TLK1: variants seen among roughly 807,000 people sequenced by gnomAD.
TLK1 encodes serine/threonine-protein kinase tousled-like 1.
TLK1 carries 24 observed loss-of-function variants against 105.3 expected under a neutral mutation model. The ratio of observed to expected loss-of-function variants is 0.23; its 90% CI spans 0.17 to 0.32. The LOEUF (loss-of-function observed/expected upper bound fraction) is 0.32, where lower values mean the gene tolerates loss of function less well. Ranked by LOEUF, TLK1 falls within the 10% of genes least tolerant of loss-of-function variation. The pLI, the probability that TLK1 is intolerant of heterozygous loss-of-function variation, is 1.00. For synonymous variants in TLK1, 321 were observed against 310.4 expected (o/e 1.03, Z -0.36); for missense variants, 558 against 910.5 (o/e 0.61, Z 4.98).
chr2:171,223,804 T>A (rs1326586909), intron 1 of TLK1, among the ~76,000 whole-genome samples: 2 of 151,964 alleles, frequency 1.3e-5, no homozygotes. Context: ...ATCAATTTTT[T>A]TTTTTTTTTT....
At position 171,206,622 on chromosome 2, in the gene TLK1, A is replaced by C. The variant is rs1575658963; in HGVS notation, c.-6+24523T>G. Among the ~76,000 whole-genome samples the C allele has an allele frequency of 2.6e-5, 4 of 152,342 alleles. No homozygotes were observed. The East Asian group carries it at 7.7e-4, about 29-fold the overall frequency. On this transcript the variant is annotated intron_variant, in intron 1 of 20. Coordinates refer to the TLK1 transcript ENST00000521943. ...ATACTGGTTTATGTAATGCTGACCA[A>C]GCAAATAAAAAGAATGCATTATTTT...
At chr2:171,095,252 G>GC (rs1298196965) in intron 2 of TLK1, among the ~76,000 whole-genome samples, 2 of 151,636 alleles carry the variant, frequency 1.3e-5, no homozygotes, top group Non-Finnish European at 2.9e-5. Context: ...ACCAAAGCAA[G>GC]CAGGGGGGAA....
At position 171,039,328 on chromosome 2, in the gene TLK1, C is replaced by T. The variant is rs535265192; in HGVS notation, c.1169+6846G>A. 5.3e-5 allele frequency among the ~76,000 whole-genome samples: 8 copies of T among 152,296 alleles called. No homozygotes were observed. In the South Asian group the frequency reaches 6.2e-4, roughly 12 times the overall value. ...TCACCCAGGCTGGAGTGCAATGGCACGCACATGGCTCACTGCAGCCTTGGC... is the reference window on the plus strand; with the variant it reads ...TCACCCAGGCTGGAGTGCAATGGCATGCACATGGCTCACTGCAGCCTTGGC... On this transcript the variant is annotated intron_variant, in intron 11 of 20. Coordinates refer to ENST00000431350, the MANE Select transcript of TLK1 (RefSeq NM_012290.5).
At chr2:171,104,257 C>CA (rs1413288473) in intron 2 of TLK1, among the ~76,000 whole-genome samples, 2 of 142,578 alleles carry the variant, frequency 1.4e-5, no homozygotes, top group Non-Finnish European at 3.0e-5. Flanking sequence ...GCCTGGGCAA[C>CA]AGAGTTGAGA....
intron 1 of TLK1, among the ~76,000 whole-genome samples, chr2:171,195,314 T>C (rs999016357): frequency 1.4e-4 from 21 of 151,816 alleles, no homozygotes; most frequent in African/African-American, 4.6e-4. Flanking sequence ...CCATCCTGGC[T>C]AACACGGTGA....
intron 1 of TLK1, among the ~76,000 whole-genome samples, chr2:171,177,039 G>A (rs1259641155): frequency 6.6e-6 from 1 of 151,580 alleles, no homozygotes; most frequent in East Asian, 1.9e-4. Context: ...TGCCATGTTG[G>A]CCAGGCTGGT....
intron 2 of TLK1, among the ~76,000 whole-genome samples, chr2:171,084,728 C>T (rs1688895931): frequency 6.6e-6 from 1 of 151,988 alleles, no homozygotes; most frequent in Admixed American, 6.6e-5. Context: ...AAAATTGTAA[C>T]CTACTATTTT....
intron 3 of TLK1, among the ~76,000 whole-genome samples, chr2:171,066,337 T>C (rs927467020): frequency 2.0e-5 from 3 of 152,182 alleles, no homozygotes; most frequent in Non-Finnish European, 2.9e-5. Context: ...TAGTATATTT[T>C]CTGCTGTACT....
chr2:171,231,181 C>T (rs189563865), exon 1 of TLK1: 2 of 152,216 alleles, frequency 1.3e-5, no homozygotes, highest in East Asian at 1.9e-4. Flanking sequence ...AAGATGTCAC[C>T]GGGATTGGTT....
At chr2:171,006,370 T>G (rs1275814034) in intron 17 of TLK1, 88 bp from the exon 18 acceptor site, 1 of 1,474,616 alleles carries the variant, frequency 6.8e-7, no homozygotes, top group African/African-American at 1.4e-5. Context: ...ATTTTACTGA[T>G]GTCTTACAAG....
At chr2:171,004,164 C>T (rs1336080865) in intron 18 of TLK1, among the ~76,000 whole-genome samples, 5 of 151,968 alleles carry the variant, frequency 3.3e-5, no homozygotes, top group Admixed American at 6.6e-5. Context: ...GGTTTCACCA[C>T]GTTGGCCAGG....
intron 2 of TLK1, among the ~76,000 whole-genome samples, chr2:171,084,115 CATAG>C (rs1417324332): frequency 2.6e-5 from 4 of 152,038 alleles, no homozygotes; most frequent in Non-Finnish European, 5.9e-5. Flanking sequence ...CAACAACAAC[CATAG>C]ATAATGTATG....
At position 171,071,431 on chromosome 2, in the gene TLK1, G is replaced by A. The variant is rs1404856747; in HGVS notation, c.331-10275C>T. On this transcript the variant is annotated intron_variant, in intron 3 of 20. Transcript: ENST00000431350. Reference sequence around the variant, plus strand: ...GCCTCCCGAGTAGCTGGGACTACAGGCACCTGCCACCATGTCCAGCTAATT... The same window carrying A: ...GCCTCCCGAGTAGCTGGGACTACAGACACCTGCCACCATGTCCAGCTAATT... Among the ~76,000 whole-genome samples the A allele has an allele frequency of 2.6e-5, 4 of 152,084 alleles. No individual in the cohort carries two copies. In the East Asian group the frequency reaches 7.7e-4, roughly 29 times the overall value.
intron 5 of TLK1, among the ~76,000 whole-genome samples, chr2:171,057,028 T>A (rs762752976): frequency 2.6e-5 from 4 of 152,034 alleles, no homozygotes; most frequent in Non-Finnish European, 5.9e-5. Flanking sequence ...CAAGTGTTCA[T>A]GGCACTATAT....
Position 171,058,184 on chromosome 2 carries a change from C to T in TLK1, c.420G>A (p.Gly140=). 6.2e-7 allele frequency: 1 copy of T among 1,613,458 alleles called. No homozygotes were observed. Among genetic ancestry groups the T allele is most frequent in the Non-Finnish European group, 8.5e-7 (1 of 1,179,554 alleles). The change falls in exon 5 of 21, where the codon GGG becomes GGA. Residue 140 remains glycine (G), a synonymous_variant. Coordinates refer to ENST00000431350, the MANE Select transcript of TLK1 (RefSeq NM_012290.5). ...QNESSQGKSI[G]GRGHKISDYF... The stretch of plus-strand genomic sequence containing the variant: ...AGTCGCTAATTTTGTGGCCACGTCC[C>T]CCAATACTTTTTCCTAAAATATAAG...
chr2:171,101,042 G>C (rs763728430), intron 2 of TLK1, among the ~76,000 whole-genome samples: 6 of 152,138 alleles, frequency 3.9e-5, no homozygotes, highest in Non-Finnish European at 8.8e-5. Context: ...AAAACATTAT[G>C]CTAGGTTTTA....
chr2:171,039,421 C>T (rs536048951), intron 11 of TLK1, among the ~76,000 whole-genome samples: 4 of 152,170 alleles, frequency 2.6e-5, no homozygotes, highest in Admixed American at 6.5e-5. Flanking sequence ...CCATGCCTGG[C>T]TAATTTTTGC....
intron 11 of TLK1, among the ~76,000 whole-genome samples, chr2:171,041,354 G>A (rs897773640): frequency 1.3e-5 from 2 of 152,120 alleles, no homozygotes; most frequent in East Asian, 3.9e-4. Context: ...AAATAATCTG[G>A]GAGAGTTAAA....
intron 1 of TLK1, among the ~76,000 whole-genome samples, chr2:171,208,105 A>G (rs1399578301): frequency 1.3e-5 from 2 of 152,130 alleles, no homozygotes; most frequent in Non-Finnish European, 2.9e-5. Flanking sequence ...AATTAGTCTG[A>G]TTTAGTCTTC....
Sources: allele counts gnomAD v4.1 joint callset (sites outside exome capture counted in the v4.1 genomes callset), GRCh38; gene constraint gnomAD v4.1.1; transcripts MANE v1.5; gene names NCBI Gene and HGNC (gene_info 2026-07-23, HGNC 2026-07-21).